CAD: variants seen among roughly 807,000 people sequenced by gnomAD.
CAD encodes carbamoyl-phosphate synthetase 2, aspartate transcarbamylase, and dihydroorotase.
CAD carries 81 observed loss-of-function variants against 237.2 expected under a neutral mutation model. The ratio of observed to expected loss-of-function variants is 0.34; its 90% CI spans 0.29 to 0.41. CAD has a LOEUF of 0.41. CAD is among the 10% of genes least tolerant of loss of function. The probability of loss-of-function intolerance (pLI) is 1.00; values close to 1 mark genes in which losing one functional copy is unlikely to be tolerated. For synonymous variants in CAD, 1,196 were observed against 1,162.8 expected, an observed-to-expected ratio of 1.03 and a Z score of -0.58; for missense variants, 2,181 against 2,951.7, an observed-to-expected ratio of 0.74 and a Z score of 6.05.
rs762987673 is a variant in CAD, at chr2:27,231,605, A to G, written c.2400+25A>G. On this transcript the variant is annotated intron_variant, in intron 16 of 43. Transcript: ENST00000264705. ...GGTAAGTAGCTCCCCTCCCCTGGCA[A>G]TACCCCTAAAATAGACCCTGCTTCT... 7.1e-6 allele frequency: 10 copies of G among 1,408,294 alleles called. No homozygotes were observed. In the East Asian group the frequency reaches 9.1e-5, roughly 13 times the overall value. The allele number at this position is 1,408,294 out of a possible 1,614,324, so 87.2% of individuals were successfully genotyped here. A position where few individuals can be genotyped will look rare whatever the true frequency, so the allele number is the denominator to read the frequency against.
rs1199849396 is a variant in CAD, at chr2:27,237,980, C to T, written c.4729-76C>T. 6.9e-6 allele frequency: 11 copies of T among 1,585,972 alleles called. No homozygotes were observed. Among genetic ancestry groups the T allele is most frequent in the African/African-American group, 1.3e-5 (1 of 74,414 alleles). On this transcript the variant is annotated intron_variant, in intron 29 of 43. Transcript: ENST00000264705. The surrounding 1 kb of genome is among the most constrained non-coding windows in gnomAD (Gnocchi z 4.0). ...TGGTAGCAGTGAGGATTCAGGGGAG[C>T]TCCTGGGGACTCTGGGCTCTGATGA...
Position 27,237,512 on chromosome 2 carries a change from C to G in CAD, c.4530C>G (p.Ile1510Met). 1.2e-6 allele frequency: 2 copies of G among 1,614,014 alleles called. No individual in the cohort carries two copies. The highest frequency in any genetic ancestry group is 1.7e-6 in the Non-Finnish European group (2 of 1,180,012). Residue 1510 changes from isoleucine to methionine, a missense_variant, in exon 28 of 44, where the codon ATC becomes ATG. Physicochemically the swap from Ile to Met is conservative, Grantham distance 10 (BLOSUM62 1). Coordinates refer to ENST00000264705, the MANE Select transcript of CAD (RefSeq NM_004341.5). This position sits in a 1 kb window ranked among gnomAD's most constrained non-coding sequence, Gnocchi z 4.0. ...CCATGCCTAATACCCGGCCCCCCAT[C>G]ATTGACGCCCCTGCTCTGGCCCTGG... is the stretch of plus-strand genomic sequence containing the variant. The part of the protein sequence containing the change: ...VCAMPNTRPP[I>M]IDAPALALAQ...
chr2:27,221,333 TC>T lies in CAD; in HGVS notation c.341del (p.Pro114LeufsTer6). 1 of 1,576,396 alleles carries T rather than the reference TC, an allele frequency of 6.3e-7. No individual in the cohort carries two copies. ...CATGAGTGGCTGCAGCAGCATGGCATCCCTGGCTTGCAAGGTATGGTGGCAA... is the reference window on the plus strand; with the variant it reads ...CATGAGTGGCTGCAGCAGCATGGCATCCTGGCTTGCAAGGTATGGTGGCAA... ...TLHEWLQQHG[I>X]PGLQGVDTRE... is the part of the protein sequence containing the mutation. On this transcript the variant is annotated frameshift_variant, in exon 3 of 44. Coordinates refer to ENST00000264705, the MANE Select transcript of CAD (RefSeq NM_004341.5). LOFTEE classifies it high-confidence loss of function.
chr2:27,235,454 A>G lies in CAD; in HGVS notation c.3969+27A>G. ...TATCAGAATCCAGGAGGGCTTCCCGAGGGCCGTGGCTCCCTGGGCCAGGGC... is the reference window on the plus strand; with the variant it reads ...TATCAGAATCCAGGAGGGCTTCCCGGGGGCCGTGGCTCCCTGGGCCAGGGC... On this transcript the variant is annotated intron_variant, in intron 24 of 43. Transcript: ENST00000264705. The surrounding 1 kb of genome is among the most constrained non-coding windows in gnomAD (Gnocchi z 5.2). The G allele has an allele frequency of 6.2e-7, 1 of 1,608,178 alleles. No individual in the cohort carries two copies. The highest frequency in any genetic ancestry group is 8.5e-7 in the Non-Finnish European group (1 of 1,175,790).
chr2:27,226,923 C>A lies in CAD; in HGVS notation c.2248C>A (p.Arg750=), dbSNP rs1241373335. Residue 750 remains arginine (R), a synonymous_variant, in exon 15 of 44, where the codon CGA becomes AGA. Coordinates refer to ENST00000264705, the MANE Select transcript of CAD (RefSeq NM_004341.5). ...TCGATGGGACCTTAGCAAGTTCCTGCGAGTCAGCACAAAGATTGGGAGCTG... is the reference window on the plus strand; with the variant it reads ...TCGATGGGACCTTAGCAAGTTCCTGAGAGTCAGCACAAAGATTGGGAGCTG... ...IPRWDLSKFL[R]VSTKIGSCMK... 6.2e-7 allele frequency: 1 copy of A among 1,613,926 alleles called. No individual in the cohort carries two copies. Among genetic ancestry groups the A allele is most frequent in the African/African-American group, 1.3e-5 (1 of 74,912 alleles).
chr2:27,242,706 C>A lies in CAD; in HGVS notation c.6309C>A (p.Tyr2103Ter). ...CCCAGTATCGTGTCAGCCTGCGCTA[C>A]GTGGCACCTCCCAGCCTGCGCATGC... ...LLTQYRVSLR[Y>*]VAPPSLRMPP... Residue 2103 changes from tyrosine (Y) to a stop codon, truncating the protein, a stop_gained, in exon 41 of 44, where the codon TAC becomes TAA. Coordinates refer to ENST00000264705, the MANE Select transcript of CAD (RefSeq NM_004341.5). LOFTEE classifies it high-confidence loss of function. This position sits in a 1 kb window ranked among gnomAD's most constrained non-coding sequence, Gnocchi z 6.4. The A allele has an allele frequency of 6.2e-7, 1 of 1,614,154 alleles. No individual in the cohort carries two copies. The highest frequency in any genetic ancestry group is 8.5e-7 in the Non-Finnish European group (1 of 1,180,020).
chr2:27,239,077 C>T lies in CAD; in HGVS notation c.5098C>T (p.Pro1700Ser), dbSNP rs760812012. Residue 1700 changes from proline to serine, a missense_variant, in exon 32 of 44, where the codon CCC becomes TCC. Pro to Ser is a moderately conservative substitution (Grantham distance 74). Transcript: ENST00000264705. The surrounding 1 kb of genome is among the most constrained non-coding windows in gnomAD (Gnocchi z 4.0). ...HTLEEKCGSR[P>S]PPGFPGLETM... ...CTTGGAGGAGAAGTGTGGGTCCAGG[C>T]CCCCACCTGGGTTCCCAGGGTTAGA... 3 of 1,593,530 alleles carry T rather than the reference C, an allele frequency of 1.9e-6. No homozygotes were observed. Among genetic ancestry groups the T allele is most frequent in the Non-Finnish European group, 2.6e-6 (3 of 1,170,742 alleles).
intron 15 of CAD, among the ~76,000 whole-genome samples, chr2:27,228,852 A>G (rs892883944): frequency 1.3e-5 from 2 of 151,328 alleles, no homozygotes; most frequent in African/African-American, 2.4e-5. Context: ...TGGCCTCCCA[A>G]AGTGCTGGGA....
Position 27,236,696 on chromosome 2 carries a change from C to A in CAD, c.4315-53C>A. The stretch of plus-strand genomic sequence containing the variant: ...GTTTATGGGAAAACCACATCTCTCC[C>A]TACAACTCCCAGGATCACCCTTCCC... On this transcript the variant is annotated intron_variant, in intron 26 of 43. Transcript: ENST00000264705. This position sits in a 1 kb window ranked among gnomAD's most constrained non-coding sequence, Gnocchi z 4.1. The A allele has an allele frequency of 6.3e-7, 1 of 1,586,430 alleles. No individual in the cohort carries two copies. Among genetic ancestry groups the A allele is most frequent in the Non-Finnish European group, 8.7e-7 (1 of 1,154,970 alleles).
rs1398800899 is a variant in CAD, at chr2:27,242,802, A to G, written c.6378+27A>G. On this transcript the variant is annotated intron_variant, in intron 41 of 43. Transcript: ENST00000264705. This position sits in a 1 kb window ranked among gnomAD's most constrained non-coding sequence, Gnocchi z 6.4. ...TGAGACCCTCACAGCCCTGCCTGGA[A>G]GCCATGGAGATGTGGGTTGGGCAGT... The G allele has an allele frequency of 1.1e-5, 17 of 1,614,022 alleles. No homozygotes were observed. Among genetic ancestry groups the G allele is most frequent in the Non-Finnish European group, 1.4e-5 (17 of 1,179,996 alleles).
chr2:27,227,229 C>T (rs1558532752), intron 15 of CAD, among the ~76,000 whole-genome samples: 1 of 152,134 alleles, frequency 6.6e-6, no homozygotes, highest in Non-Finnish European at 1.5e-5. Context: ...GCTTTGGTCA[C>T]TAAATGACCT....
In CAD at chr2:27,218,550, C is replaced by T. The variant is rs1028310721; in HGVS notation, c.222+534C>T. 3.9e-5 allele frequency among the ~76,000 whole-genome samples: 6 copies of T among 152,244 alleles called. No homozygotes were observed. In the East Asian group the frequency reaches 1.2e-3, roughly 29 times the overall value. ...AGAGACTGGAAACTAGGGTCACATACTTCTCTGTGACAGTGAGTGCCAGTT... is the reference window on the plus strand; with the variant it reads ...AGAGACTGGAAACTAGGGTCACATATTTCTCTGTGACAGTGAGTGCCAGTT... On this transcript the variant is annotated intron_variant, in intron 2 of 43. Transcript: ENST00000264705.
At chr2:27,229,392 G>C (rs1271633335) in intron 15 of CAD, among the ~76,000 whole-genome samples, 1 of 151,884 alleles carries the variant, frequency 6.6e-6, no homozygotes, top group Non-Finnish European at 1.5e-5. Flanking sequence ...CCATCCTTCT[G>C]AGGAGTGAGA....
Position 27,242,726 on chromosome 2 carries a change from G to A in CAD, c.6329G>A (p.Arg2110His), listed in dbSNP as rs759380014. The change falls in exon 41 of 44, where the codon CGC (arginine) becomes CAC (histidine). Residue 2110 changes from arginine (R) to histidine (H), a missense_variant. This residue lies in a region of CAD where 170 missense variants were observed against 212.1 expected (regional missense o/e 0.80). Coordinates refer to ENST00000264705, the MANE Select transcript of CAD (RefSeq NM_004341.5). This position sits in a 1 kb window ranked among gnomAD's most constrained non-coding sequence, Gnocchi z 6.4. ...CGCTACGTGGCACCTCCCAGCCTGC[G>A]CATGCCACCCACTGTGCGGGCCTTC... is the stretch of plus-strand genomic sequence containing the variant. ...SLRYVAPPSL[R>H]MPPTVRAFVA... The A allele has an allele frequency of 1.4e-5, 22 of 1,614,058 alleles. No individual in the cohort carries two copies. The highest frequency in any genetic ancestry group is 1.6e-4 in the Middle Eastern group (1 of 6,084).
Position 27,237,823 on chromosome 2 carries a change from C to T in CAD, c.4669C>T (p.Leu1557Phe), listed in dbSNP as rs199990394. ...GGCCGGGTCTGCAGCCGGGCTGAAGCTTTACCTCAATGAGACCTTCTCTGA... is the reference window on the plus strand; with the variant it reads ...GGCCGGGTCTGCAGCCGGGCTGAAGTTTTACCTCAATGAGACCTTCTCTGA... ...TVAGSAAGLK[L>F]YLNETFSELR... The change falls in exon 29 of 44, where the codon CTT becomes TTT. Residue 1557 changes from leucine (L) to phenylalanine (F), a missense_variant. Leu to Phe is a conservative substitution (Grantham distance 22, BLOSUM62 0). Transcript: ENST00000264705. The surrounding 1 kb of genome is among the most constrained non-coding windows in gnomAD (Gnocchi z 4.0). 13 of 1,614,076 alleles carry T rather than the reference C, an allele frequency of 8.1e-6. No homozygotes were observed. The highest frequency in any genetic ancestry group is 1.0e-5 in the Non-Finnish European group (12 of 1,180,042).
rs150612806 is a variant in CAD, at chr2:27,238,099, C to T, written c.4772C>T (p.Ala1591Val). ...TCCCACCTCCCCATTGTGGCTCACG[C>T]AGAGCAGCAAACCGTGGCTGCTGTC... ...WPSHLPIVAH[A>V]EQQTVAAVLM... The change falls in exon 30 of 44, where the codon GCA (alanine) becomes GTA (valine). Residue 1591 changes from alanine to valine, a missense_variant. By Grantham distance (64) the Ala-to-Val change is moderately conservative. Transcript: ENST00000264705. The T allele has an allele frequency of 1.2e-5, 19 of 1,614,224 alleles. No individual in the cohort carries two copies. The African/African-American group carries it at 1.9e-4, about 16-fold the overall frequency.
rs762926868 is a variant in CAD at position 27,242,576 on chromosome 2, G to C, written c.6223-44G>C. 1.1e-5 allele frequency: 17 copies of C among 1,563,312 alleles called. No homozygotes were observed. Among genetic ancestry groups the C allele is most frequent in the East Asian group, 2.3e-5 (1 of 44,336 alleles). On this transcript the variant is annotated intron_variant, in intron 40 of 43. Transcript: ENST00000264705. This position sits in a 1 kb window ranked among gnomAD's most constrained non-coding sequence, Gnocchi z 6.4. ...AAAAGCTTGGAAATGATGTCGGGGG[G>C]CACTCAGTCTGGGATCCCTGTGGTG...
In CAD at chr2:27,222,929, C is replaced by T; in HGVS notation, c.701C>T (p.Ser234Phe). The T allele has an allele frequency of 1.9e-6, 3 of 1,614,184 alleles. No homozygotes were observed. The highest frequency in any genetic ancestry group is 2.5e-6 in the Non-Finnish European group (3 of 1,180,016). ...GDPASYPSVV[S>F]TLSRVLSEPN... ...CCTGCCTCCTATCCCAGTGTCGTAT[C>T]CACACTGAGCCGTGTTTTATCTGAG... The change falls in exon 6 of 44, where the codon TCC becomes TTC. Residue 234 changes from serine to phenylalanine, a missense_variant. By Grantham distance (155) the Ser-to-Phe change is radical. Transcript: ENST00000264705.
chr2:27,225,811 C>T lies in CAD; in HGVS notation c.1727C>T (p.Ala576Val), dbSNP rs1286933320. The T allele has an allele frequency of 2.5e-6, 4 of 1,614,006 alleles. No individual in the cohort carries two copies. The highest frequency in any genetic ancestry group is 2.2e-5 in the South Asian group (2 of 91,090). Residue 576 changes from alanine (A) to valine (V), a missense_variant, in exon 12 of 44, where the codon GCT becomes GTT. Physicochemically the swap from Ala to Val is moderately conservative, Grantham distance 64. Transcript: ENST00000264705. ...GFASNREELS[A>V]LVAPAFAHTS... ...GCCTCTAACAGGGAGGAGCTCTCTG[C>T]TCTCGTGGCCCCAGCTTTTGCCCAT... is the stretch of plus-strand genomic sequence containing the variant.
Sources: allele counts gnomAD v4.1 joint callset (sites outside exome capture counted in the v4.1 genomes callset), GRCh38; gene constraint gnomAD v4.1.1; regional missense constraint gnomAD v4.1.1; non-coding constraint Gnocchi (gnomAD v3.1); transcripts MANE v1.5; gene names NCBI Gene and HGNC (gene_info 2026-07-23, HGNC 2026-07-21).